Variants in CENPP observed in about 807,000 individuals in gnomAD.
CENPP encodes the protein centromere protein P.
Under a neutral mutation model 35.6 loss-of-function variants are expected in CENPP, and 24 were observed. The observed-to-expected ratio is 0.67, with a 90% CI of 0.49 to 0.95. The LOEUF (loss-of-function observed/expected upper bound fraction) is 0.95. CENPP is among the 40% of genes least tolerant of loss of function. The pLI is 0.00. For synonymous variants in CENPP, 120 were observed against 125.5 expected, an observed-to-expected ratio of 0.96 and a Z score of 0.29; for missense variants, 332 against 345.3, an observed-to-expected ratio of 0.96 and a Z score of 0.31.
intron 2 of CENPP, among the ~76,000 whole-genome samples, chr9:92,334,361 C>T (rs370375983): frequency 2.9e-4 from 44 of 152,208 alleles, no homozygotes; most frequent in African/African-American, 8.7e-4. Context: ...CCTCGTGATA[C>T]GCCTGCCTCG....
intron 5 of CENPP, chr9:92,514,950 G>A (rs554949394): frequency 6.2e-7 from 1 of 1,613,806 alleles, no homozygotes; most frequent in Non-Finnish European, 8.5e-7. Flanking sequence ...CTCCTCCTCT[G>A]CTGTCCCCCT....
rs1485358182 is a variant in CENPP at position 92,615,722 on chromosome 9, G to C, written c.*2573G>C. The C allele has an allele frequency of 2.3e-6, 2 of 882,624 alleles. No individual in the cohort carries two copies. Among genetic ancestry groups the C allele is most frequent in the Non-Finnish European group, 1.8e-6 (1 of 562,208 alleles). 54.7% of individuals were successfully genotyped at this position (882,624 alleles called of 1,614,324 possible). On this transcript the variant is annotated 3_prime_UTR_variant, in exon 8 of 8. Transcript: ENST00000375587. ...AAGAGGCAATCCCACCTCAAAAGGG[G>C]TTAAAAGCAAAAACATTCACAACCA... is the stretch of plus-strand genomic sequence containing the variant.
rs191067747 is a variant in CENPP at position 92,383,301 on chromosome 9, G to A, written c.564+3442G>A. Among the ~76,000 whole-genome samples the A allele has an allele frequency of 1.7e-4, 26 of 152,072 alleles. No homozygotes were observed. In the East Asian group the frequency reaches 4.8e-3, roughly 28 times the overall value. ...TTCAAGATTCTTCTCTTTATTTGGG[G>A]GTCTCTTGAAGTTCCATTTTATTTG... On this transcript the variant is annotated intron_variant, in intron 5 of 7. Coordinates refer to ENST00000375587, the MANE Select transcript of CENPP (RefSeq NM_001012267.3).
intron 5 of CENPP, among the ~76,000 whole-genome samples, chr9:92,422,631 C>T (rs1475961192): frequency 6.6e-6 from 1 of 152,140 alleles, no homozygotes; most frequent in Non-Finnish European, 1.5e-5. Flanking sequence ...CATCCTTGTC[C>T]TCCTCCCTCC....
At chr9:92,532,043 T>TTTTTTTTTTTTTG (rs1303915728) in intron 5 of CENPP, among the ~76,000 whole-genome samples, 1 of 145,050 alleles carries the variant, frequency 6.9e-6, no homozygotes, top group African/African-American at 2.6e-5. Flanking sequence ...TATTTTTTTT[T>TTTTTTTTTTTTTG]TGAGATGAGG....
chr9:92,359,952 G>A (rs963220376), intron 4 of CENPP, among the ~76,000 whole-genome samples: 1 of 152,040 alleles, frequency 6.6e-6, no homozygotes, highest in Admixed American at 6.6e-5. Flanking sequence ...TACCATCCAA[G>A]CCCTTCTCCA....
Position 92,552,214 on chromosome 9 carries a change from CA to C in CENPP, c.565-59099del, listed in dbSNP as rs1357023842. 6.4e-4 allele frequency among the ~76,000 whole-genome samples: 97 copies of C among 150,686 alleles called. 2 individuals carry two copies. The highest frequency in any genetic ancestry group is 4.8e-3 in the South Asian group (23 of 4,762). On this transcript the variant is annotated intron_variant, in intron 5 of 7. Coordinates refer to ENST00000375587, the MANE Select transcript of CENPP (RefSeq NM_001012267.3). ...ATACACACACACACACACACACACA[CA>C]CCCCACAGTTTCTTTATCCACTTGT...
chr9:92,415,803 A>G (rs897559572), intron 5 of CENPP, among the ~76,000 whole-genome samples: 8 of 147,410 alleles, frequency 5.4e-5, no homozygotes, highest in African/African-American at 1.5e-4. Context: ...TCTCTTTTAT[A>G]TATATACATA....
At chr9:92,530,551 G>A (rs1848683577) in intron 5 of CENPP, among the ~76,000 whole-genome samples, 1 of 152,012 alleles carries the variant, frequency 6.6e-6, no homozygotes, top group Non-Finnish European at 1.5e-5. Context: ...CTAATAATTT[G>A]CCTTGTTTGT....
intron 5 of CENPP, among the ~76,000 whole-genome samples, chr9:92,435,569 G>T (rs1844227525): frequency 6.6e-6 from 1 of 152,054 alleles, no homozygotes; most frequent in Non-Finnish European, 1.5e-5. Context: ...TAAATCTCTT[G>T]CCCTTCCCCC....
intron 2 of CENPP, among the ~76,000 whole-genome samples, chr9:92,334,598 G>A (rs1840862797): frequency 1.3e-5 from 2 of 152,132 alleles, no homozygotes; most frequent in Non-Finnish European, 2.9e-5. Context: ...ATAAAAATCA[G>A]GCCAGGTGCA....
In CENPP at chr9:92,615,849, C is replaced by T. The variant is rs1380586300; in HGVS notation, c.*2700C>T. 87 of 1,613,410 alleles carry T rather than the reference C, an allele frequency of 5.4e-5. No individual in the cohort carries two copies. The highest frequency in any genetic ancestry group is 6.9e-5 in the Non-Finnish European group (81 of 1,179,476). ...GGAAAGAGTTAGACCTTGTGGAGAACTAATGTGCAATCTTCGCTTTCCTTG... is the reference window on the plus strand; with the variant it reads ...GGAAAGAGTTAGACCTTGTGGAGAATTAATGTGCAATCTTCGCTTTCCTTG... On this transcript the variant is annotated 3_prime_UTR_variant, in exon 8 of 8. Coordinates refer to ENST00000375587, the MANE Select transcript of CENPP (RefSeq NM_001012267.3).
At chr9:92,359,336 A>G (rs991306712) in intron 4 of CENPP, among the ~76,000 whole-genome samples, 1 of 152,158 alleles carries the variant, frequency 6.6e-6, no homozygotes, top group Non-Finnish European at 1.5e-5. Context: ...GGTAACCCCC[A>G]AAGTCAGATT....
At chr9:92,525,710 G>T (rs1848353168) in intron 5 of CENPP, among the ~76,000 whole-genome samples, 1 of 151,978 alleles carries the variant, frequency 6.6e-6, no homozygotes, top group Non-Finnish European at 1.5e-5. Context: ...GCCCAACATG[G>T]TGAAACCCCA....
chr9:92,456,021 A>G (rs1844866566), intron 5 of CENPP, among the ~76,000 whole-genome samples: 2 of 152,212 alleles, frequency 1.3e-5, no homozygotes. Flanking sequence ...CAGTGAGCCA[A>G]GATCAGGCCA....
chr9:92,386,124 A>G lies in CENPP; in HGVS notation c.564+6265A>G, dbSNP rs939264308. On this transcript the variant is annotated intron_variant, in intron 5 of 7. Transcript: ENST00000375587. ...TCTAACCAAAATTTGTATGTGAATA[A>G]GTGAGGTTCCCAATGAGTCACAAGA... is the stretch of plus-strand genomic sequence containing the variant. 5 of 1,104,618 alleles carry G rather than the reference A, an allele frequency of 4.5e-6. No individual in the cohort carries two copies. The African/African-American group carries it at 7.8e-5, about 17-fold the overall frequency. The allele number at this position is 1,104,618 out of a possible 1,614,324, so 68.4% of individuals were successfully genotyped here.
chr9:92,334,355 G>A (rs1484260546), intron 2 of CENPP, among the ~76,000 whole-genome samples: 5 of 152,042 alleles, frequency 3.3e-5, no homozygotes, highest in South Asian at 2.1e-4. Flanking sequence ...TCCTGACCTC[G>A]TGATACGCCT....
At chr9:92,397,421 A>C (rs1842934813) in intron 5 of CENPP, among the ~76,000 whole-genome samples, 1 of 152,014 alleles carries the variant, frequency 6.6e-6, no homozygotes, top group African/African-American at 2.4e-5. Context: ...CTGCCTCCTG[A>C]GTCCAAGTGA....
chr9:92,573,320 T>A (rs1850194531), intron 5 of CENPP, among the ~76,000 whole-genome samples: 1 of 152,216 alleles, frequency 6.6e-6, no homozygotes, highest in South Asian at 2.1e-4. Context: ...CTTCTAACAG[T>A]CAGGACCCTC....
Sources: allele counts gnomAD v4.1 joint callset (sites outside exome capture counted in the v4.1 genomes callset), GRCh38; gene constraint gnomAD v4.1.1; transcripts MANE v1.5; gene names NCBI Gene and HGNC (gene_info 2026-07-23, HGNC 2026-07-21).